CNTNAP2: variants seen among roughly 807,000 people sequenced by gnomAD.
CNTNAP2 encodes the protein contactin-associated protein-like 2.
CNTNAP2 carries 98 observed loss-of-function variants against 155.2 expected under a neutral mutation model. That is an observed-to-expected ratio of 0.63 (90% CI 0.54 to 0.75). The LOEUF is 0.75. CNTNAP2 is among the 30% of genes least tolerant of loss of function. CNTNAP2 has a pLI of 0.00. For synonymous variants in CNTNAP2, 651 were observed against 631.2 expected (o/e 1.03, Z -0.47); for missense variants, 1,727 against 1,688.1 (o/e 1.02, Z -0.40).
intron 1 of CNTNAP2, among the ~76,000 whole-genome samples, chr7:146,396,556 C>T (rs1392385762): frequency 2.7e-5 from 4 of 149,922 alleles, no homozygotes; most frequent in Admixed American, 1.3e-4. Flanking sequence ...TCTGTGTCAA[C>T]AATGAAGTCA....
chr7:147,087,917 C>T (rs1432911346), intron 4 of CNTNAP2, among the ~76,000 whole-genome samples: 1 of 152,070 alleles, frequency 6.6e-6, no homozygotes, highest in African/African-American at 2.4e-5. Flanking sequence ...GTAGAGGTTG[C>T]AGTAGGCCGA....
At chr7:147,102,043 G>T (rs1179997056) in intron 4 of CNTNAP2, among the ~76,000 whole-genome samples, 1 of 152,064 alleles carries the variant, frequency 6.6e-6, no homozygotes, top group Non-Finnish European at 1.5e-5. Context: ...ATGAGAATTG[G>T]TCATTTAACA....
At chr7:148,186,100 C>A (rs1795110716) in intron 18 of CNTNAP2, among the ~76,000 whole-genome samples, 1 of 152,220 alleles carries the variant, frequency 6.6e-6, no homozygotes, top group Admixed American at 6.5e-5. Context: ...CTTATTCCAA[C>A]ACTTCTTCTA....
intron 9 of CNTNAP2, among the ~76,000 whole-genome samples, chr7:147,306,748 G>A (rs562543347): frequency 6.6e-6 from 1 of 152,164 alleles, no homozygotes; most frequent in Admixed American, 6.6e-5. Context: ...CAAGGGGAAA[G>A]AATCTGGCTT....
rs997159133 is a variant in CNTNAP2, at chr7:148,323,398, C to T, written c.3475+56272C>T. ...ATTTCTTACATTACTTTTTAACAAA[C>T]GTATTTTGTGCATGATTCTAAGAGG... On this transcript the variant is annotated intron_variant, in intron 21 of 23. Transcript: ENST00000361727. Among the ~76,000 whole-genome samples the T allele has an allele frequency of 9.7e-5, 12 of 123,128 alleles. No homozygotes were observed. In the South Asian group the frequency reaches 1.8e-3, roughly 18 times the overall value. 80.8% of individuals were successfully genotyped at this position (123,128 alleles called of 152,430 possible).
chr7:148,212,096 G>A (rs866408118), intron 18 of CNTNAP2, among the ~76,000 whole-genome samples: 2 of 151,952 alleles, frequency 1.3e-5, no homozygotes, highest in Admixed American at 6.6e-5. Context: ...TGAATAATAG[G>A]AGTGAGTGCC....
intron 3 of CNTNAP2, among the ~76,000 whole-genome samples, chr7:146,911,253 C>T (rs562688368): frequency 3.5e-4 from 53 of 152,168 alleles, no homozygotes; most frequent in Non-Finnish European, 5.3e-4. Flanking sequence ...TGTGGTGATT[C>T]CTCAGGGATC....
intron 21 of CNTNAP2, among the ~76,000 whole-genome samples, chr7:148,363,011 G>T (rs536793454): frequency 6.6e-6 from 1 of 151,528 alleles, no homozygotes; most frequent in Non-Finnish European, 1.5e-5. Context: ...ACGGAGTTTC[G>T]CTTTTTGTTG....
intron 9 of CNTNAP2, among the ~76,000 whole-genome samples, chr7:147,394,450 G>A (rs1178302510): frequency 1.3e-5 from 2 of 151,754 alleles, no homozygotes; most frequent in African/African-American, 2.4e-5. Context: ...ATTGTTTGTT[G>A]TTACAGATAT....
chr7:147,006,870 A>G lies in CNTNAP2; in HGVS notation c.403-37037A>G, dbSNP rs367611037. Among the ~76,000 whole-genome samples, 6 of 152,182 alleles carry G rather than the reference A, an allele frequency of 3.9e-5. No individual in the cohort carries two copies. The South Asian group carries it at 6.2e-4, about 16-fold the overall frequency. The stretch of plus-strand genomic sequence containing the variant: ...TTCTGCCAAGTGACACACAGGGGCA[A>G]TTCAGCAATGGCAATGTTTATTTAA... On this transcript the variant is annotated intron_variant, in intron 3 of 23. Coordinates refer to ENST00000361727, the MANE Select transcript of CNTNAP2 (RefSeq NM_014141.6).
At chr7:147,644,612 ACT>A (rs1172139960) in intron 13 of CNTNAP2, among the ~76,000 whole-genome samples, 6 of 152,228 alleles carry the variant, frequency 3.9e-5, no homozygotes, top group Non-Finnish European at 5.9e-5. Context: ...ATAGAGCGAG[ACT>A]CTGTCGCAAA....
At chr7:146,379,621 T>C (rs1795353051) in intron 1 of CNTNAP2, among the ~76,000 whole-genome samples, 1 of 152,192 alleles carries the variant, frequency 6.6e-6, no homozygotes, top group African/African-American at 2.4e-5. Context: ...CATTGTTCAC[T>C]CTTCCTGTGT....
At chr7:146,323,858 C>T (rs1296497671) in intron 1 of CNTNAP2, among the ~76,000 whole-genome samples, 5 of 152,150 alleles carry the variant, frequency 3.3e-5, no homozygotes, top group Non-Finnish European at 7.3e-5. Flanking sequence ...ATTAACATTG[C>T]TCCATTCCCT....
At chr7:146,334,372 A>C (rs559653648) in intron 1 of CNTNAP2, among the ~76,000 whole-genome samples, 224 of 150,268 alleles carry the variant, frequency 1.5e-3, no homozygotes, top group African/African-American at 5.4e-3. Context: ...TGGAGGTTGC[A>C]GTGAGCCAAG....
intron 13 of CNTNAP2, among the ~76,000 whole-genome samples, chr7:147,745,952 ACTTCTTTT>A (rs1797035112): frequency 6.6e-6 from 1 of 152,036 alleles, no homozygotes; most frequent in Non-Finnish European, 1.5e-5. Flanking sequence ...TATTCAATGA[ACTTCTTTT>A]TCATGGGGTG....
At chr7:146,343,267 C>T (rs770874196) in intron 1 of CNTNAP2, among the ~76,000 whole-genome samples, 4 of 152,032 alleles carry the variant, frequency 2.6e-5, no homozygotes, top group East Asian at 1.9e-4. Flanking sequence ...TGGAAACACA[C>T]GCTTAGAGAA....
At chr7:147,700,458 A>C (rs1352811866) in intron 13 of CNTNAP2, among the ~76,000 whole-genome samples, 1 of 152,182 alleles carries the variant, frequency 6.6e-6, no homozygotes, top group East Asian at 1.9e-4. Context: ...ACTAAATTTT[A>C]TACCTATCCA....
intron 15 of CNTNAP2, among the ~76,000 whole-genome samples, chr7:148,087,613 TAC>T (rs1803757897): frequency 1.3e-5 from 2 of 152,158 alleles, no homozygotes; most frequent in South Asian, 4.1e-4. Context: ...AGTGTTTTAG[TAC>T]AGTCTCCAAC....
intron 1 of CNTNAP2, among the ~76,000 whole-genome samples, chr7:146,443,234 A>T (rs1010765038): frequency 1.6e-4 from 22 of 138,828 alleles, no homozygotes; most frequent in East Asian, 3.9e-4. Context: ...AATAAATAAT[A>T]AATAAATAAA....
Sources: gnomAD v4.1 joint callset for allele counts (sites outside exome capture counted in the v4.1 genomes callset) on GRCh38, gnomAD v4.1.1 for gene constraint, MANE v1.5 for transcripts, NCBI Gene and HGNC (gene_info 2026-07-23, HGNC 2026-07-21) for gene names.